The following RNF144A variants were observed in gnomAD, a reference collection of about 807,000 sequenced individuals.
RNF144A encodes the protein E3 ubiquitin-protein ligase RNF144A.
In RNF144A, 11 loss-of-function variants were observed where a neutral mutation model predicts 38.7. The observed-to-expected ratio is 0.28, with a 90% CI of 0.18 to 0.47. The LOEUF (loss-of-function observed/expected upper bound fraction) is 0.47, where lower values mean the gene tolerates loss of function less well. Among genes scored for constraint, RNF144A ranks in the 20% least tolerant of loss-of-function variants. RNF144A has a pLI of 0.99. For missense variants in RNF144A, 316 were observed against 377.2 expected (o/e 0.84, Z 1.34); for synonymous variants, 149 against 143.9 (o/e 1.04, Z -0.25).
At chr2:7,056,882 C>T (rs1224552630) in intron 6 of RNF144A, among the ~76,000 whole-genome samples, 1 of 152,186 alleles carries the variant, frequency 6.6e-6, no homozygotes, top group East Asian at 1.9e-4. Context: ...TAAATATGTG[C>T]ACCAAAAACT....
At chr2:7,005,822 G>A (rs72781779) in intron 3 of RNF144A, among the ~76,000 whole-genome samples, 46,624 of 151,810 alleles carry the variant, frequency 0.31, 7,553 homozygotes, top group African/African-American at 0.39. Context: ...ATGAGAGGAC[G>A]CTGCAGCTCA....
At chr2:7,051,838 T>C (rs1353286778) in intron 6 of RNF144A, among the ~76,000 whole-genome samples, 1 of 152,130 alleles carries the variant, frequency 6.6e-6, no homozygotes, top group Non-Finnish European at 1.5e-5. Context: ...CAGATGAAGA[T>C]GTTCTGCCCT....
At chr2:6,973,822 G>T (rs755752466) in intron 2 of RNF144A, among the ~76,000 whole-genome samples, 3 of 152,208 alleles carry the variant, frequency 2.0e-5, no homozygotes, top group African/African-American at 4.8e-5. Context: ...GGCCATGCCC[G>T]TTGGCTTACG....
chr2:6,982,264 G>C (rs866622133), intron 2 of RNF144A, among the ~76,000 whole-genome samples: 1 of 152,220 alleles, frequency 6.6e-6, no homozygotes, highest in Admixed American at 6.5e-5. Context: ...GCAGCTACTC[G>C]TAAGTGTGTT....
chr2:6,998,239 T>C (rs1206834377), intron 3 of RNF144A, among the ~76,000 whole-genome samples: 1 of 152,030 alleles, frequency 6.6e-6, no homozygotes, highest in Non-Finnish European at 1.5e-5. Flanking sequence ...GGCTTCCCTG[T>C]GGGTTTTTCG....
intron 6 of RNF144A, among the ~76,000 whole-genome samples, chr2:7,066,161 C>G (rs780007956): frequency 6.6e-6 from 1 of 151,906 alleles, no homozygotes; most frequent in Non-Finnish European, 1.5e-5. Context: ...GATCTCGGCT[C>G]ACTACAAGCT....
Position 7,040,498 on chromosome 2 carries a change from G to A in RNF144A, c.*738G>A. On this transcript the variant is annotated 3_prime_UTR_variant, in exon 9 of 9. Transcript: ENST00000320892. ...CCTTGATAATATTGACGTGTTTAAA[G>A]GAACATCTCATCTCCATTAGATTTG... is the stretch of plus-strand genomic sequence containing the variant. 1.0e-6 allele frequency: 1 copy of A among 985,424 alleles called. No individual in the cohort carries two copies. Among genetic ancestry groups the A allele is most frequent in the South Asian group, 4.7e-5 (1 of 21,284 alleles). The allele number at this position is 985,424 out of a possible 1,614,324, so 61.0% of individuals were successfully genotyped here.
chr2:7,039,469 G>A (rs746569884), intron 8 of RNF144A, among the ~76,000 whole-genome samples, 160 bp from the exon 9 acceptor site: 10 of 151,982 alleles, frequency 6.6e-5, no homozygotes, highest in Non-Finnish European at 1.5e-4. Context: ...GGATGAATGA[G>A]TAGATGATGA....
chr2:7,017,095 G>C (rs759988789), intron 5 of RNF144A, among the ~76,000 whole-genome samples: 22 of 152,250 alleles, frequency 1.4e-4, no homozygotes, highest in South Asian at 2.1e-4. Context: ...GATGCCTCTT[G>C]CTGCGTGGAC....
intron 2 of RNF144A, among the ~76,000 whole-genome samples, chr2:6,948,826 G>C (rs1036011537): frequency 6.6e-6 from 1 of 152,336 alleles, no homozygotes; most frequent in South Asian, 2.1e-4. Flanking sequence ...AGGGCTATCA[G>C]CTGGTGTTTT....
chr2:7,020,723 G>T, intron 6 of RNF144A, 43 bp downstream of exon 6: 3 of 1,559,472 alleles, frequency 1.9e-6, no homozygotes, highest in South Asian at 1.1e-5. Context: ...ATGGCTGTGG[G>T]CCAGGAGAAG....
intron 3 of RNF144A, among the ~76,000 whole-genome samples, chr2:7,012,181 A>G (rs1670863279): frequency 6.6e-6 from 1 of 152,204 alleles, no homozygotes; most frequent in Non-Finnish European, 1.5e-5. Context: ...TAAAATAATG[A>G]TCTTGTTGCT....
chr2:6,994,852 G>A (rs1405439662), intron 2 of RNF144A, among the ~76,000 whole-genome samples: 2 of 152,202 alleles, frequency 1.3e-5, no homozygotes, highest in Admixed American at 6.5e-5. Flanking sequence ...GAAGGCCTGC[G>A]CAGATTCCCA....
At chr2:6,978,532 C>G (rs1237331874) in intron 2 of RNF144A, 1 of 152,354 alleles carries the variant, frequency 6.6e-6, no homozygotes, top group Non-Finnish European at 1.5e-5. Flanking sequence ...TGTGGGTATT[C>G]CCAGCAGGAA....
At chr2:6,950,187 A>G (rs986273265) in intron 2 of RNF144A, among the ~76,000 whole-genome samples, 4 of 152,188 alleles carry the variant, frequency 2.6e-5, no homozygotes, top group Admixed American at 1.3e-4. Flanking sequence ...GTGCTCCCAT[A>G]TATTGCTGCC....
downstream of RNF144A, among the ~76,000 whole-genome samples, chr2:7,069,294 G>T (rs309262): frequency 2.0e-5 from 3 of 152,056 alleles, no homozygotes; most frequent in Admixed American, 6.5e-5. Context: ...TGTTTCATCT[G>T]TGTGGCCAAC....
intron 3 of RNF144A, among the ~76,000 whole-genome samples, chr2:7,006,977 G>A (rs1670484089): frequency 6.6e-6 from 1 of 152,162 alleles, no homozygotes; most frequent in South Asian, 2.1e-4. Context: ...GGGATGAAGG[G>A]CCACTCTGGA....
rs143283482 is a variant in RNF144A, at chr2:6,936,348, C to T, written c.-211-4600C>T. Among the ~76,000 whole-genome samples, 513 of 152,254 alleles carry T rather than the reference C, an allele frequency of 3.4e-3. 4 individuals carry two copies. The highest frequency in any genetic ancestry group is 0.012 in the African/African-American group (498 of 41,538). On this transcript the variant is annotated intron_variant, in intron 1 of 8. Transcript: ENST00000320892. Reference sequence around the variant, plus strand: ...AGATACATATGTACACACATGTGCACACATAGATGCATATATACACACGTA... The same window carrying T: ...AGATACATATGTACACACATGTGCATACATAGATGCATATATACACACGTA...
intron 3 of RNF144A, among the ~76,000 whole-genome samples, chr2:7,001,048 C>T (rs1670068352): frequency 6.6e-6 from 1 of 152,052 alleles, no homozygotes; most frequent in African/African-American, 2.4e-5. Flanking sequence ...GTCTGTAATC[C>T]TAGCACTTTG....
Sources: gnomAD v4.1 joint callset for allele counts (sites outside exome capture counted in the v4.1 genomes callset) on GRCh38, gnomAD v4.1.1 for gene constraint, MANE v1.5 for transcripts, NCBI Gene and HGNC (gene_info 2026-07-23, HGNC 2026-07-21) for gene names.